The following DPP6 variants were observed in gnomAD, a reference collection of about 807,000 sequenced individuals.
The protein encoded by DPP6 is dipeptidyl peptidase like 6.
In DPP6, 69 loss-of-function variants were observed where a neutral mutation model predicts 122.6. That is an observed-to-expected ratio of 0.56 (90% CI 0.46 to 0.69). The LOEUF is 0.69. Among genes scored for constraint, DPP6 ranks in the 30% least tolerant of loss-of-function variants. The pLI, the probability that DPP6 is intolerant of heterozygous loss-of-function variation, is 0.00. For missense variants in DPP6, 928 were observed against 1,116.9 expected, an observed-to-expected ratio of 0.83 and a Z score of 2.41; for synonymous variants, 418 against 433.1, an observed-to-expected ratio of 0.97 and a Z score of 0.43.
At chr7:154,115,274 G>A (rs1806899461) in intron 1 of DPP6, among the ~76,000 whole-genome samples, 1 of 152,160 alleles carries the variant, frequency 6.6e-6, no homozygotes, top group Non-Finnish European at 1.5e-5. Context: ...AGGCCACTTA[G>A]GCACCACTCA....
intron 1 of DPP6, among the ~76,000 whole-genome samples, chr7:154,025,281 A>G (rs1798911600): frequency 7.2e-6 from 1 of 137,964 alleles, no homozygotes; most frequent in Admixed American, 7.7e-5. Context: ...GTGGGTTTGT[A>G]TGTTGAATTG....
chr7:154,195,020 T>G (rs1448006996), intron 1 of DPP6, among the ~76,000 whole-genome samples: 2 of 152,208 alleles, frequency 1.3e-5, no homozygotes, highest in Non-Finnish European at 2.9e-5. Flanking sequence ...GTTGGTTCTC[T>G]TATAGATTAT....
In DPP6 at chr7:154,231,308, C is replaced by T. The variant is rs140490023; in HGVS notation, c.243+178245C>T. Among the ~76,000 whole-genome samples, 213 of 152,244 alleles carry T rather than the reference C, an allele frequency of 1.4e-3. 2 individuals carry two copies. Among genetic ancestry groups the T allele is most frequent in the African/African-American group, 5.0e-3 (208 of 41,550 alleles). ...TGGCATGAGAGGAGGCTGAGAAATA[C>T]TGGGCTATTGTGAATGGGAAATGAG... is the stretch of plus-strand genomic sequence containing the variant. On this transcript the variant is annotated intron_variant, in intron 1 of 25. Transcript: ENST00000377770.
At position 154,769,468 on chromosome 7, in the gene DPP6, G is replaced by A. The variant is rs1373826049; in HGVS notation, c.935G>A (p.Arg312Lys). 1.2e-6 allele frequency: 2 copies of A among 1,613,574 alleles called. No individual in the cohort carries two copies. Among genetic ancestry groups the A allele is most frequent in the Non-Finnish European group, 1.7e-6 (2 of 1,179,842 alleles). Residue 312 changes from arginine to lysine, a missense_variant, in exon 9 of 26, where the codon AGA becomes AAA. Physicochemically the swap from Arg to Lys is conservative, Grantham distance 26 (BLOSUM62 2). Coordinates refer to ENST00000377770, the MANE Select transcript of DPP6 (RefSeq NM_130797.4). ...CACTGGTGGTCTCCGGATGGCACGA[G>A]ACTCGCCTACGCCGCCATCAATGAT... ...IAHWWSPDGTRLAYAAINDSR... is the reference protein window; with the variant it reads ...IAHWWSPDGTKLAYAAINDSR...
intron 5 of DPP6, among the ~76,000 whole-genome samples, chr7:154,633,360 C>T (rs146611912): frequency 5.3e-5 from 8 of 152,274 alleles, no homozygotes; most frequent in African/African-American, 1.4e-4. Context: ...CCTCAGCCTC[C>T]GGAGTAGCTG....
chr7:154,270,533 G>A (rs755077517), intron 1 of DPP6, among the ~76,000 whole-genome samples: 13 of 152,148 alleles, frequency 8.5e-5, no homozygotes, highest in Admixed American at 3.3e-4. Context: ...GTGTCCAGGT[G>A]CCATGTCCCC....
At chr7:154,089,148 C>A (rs1804634956) in intron 1 of DPP6, among the ~76,000 whole-genome samples, 1 of 152,222 alleles carries the variant, frequency 6.6e-6, no homozygotes. Context: ...GAGTGACTCA[C>A]AACAGCATAA....
At chr7:154,564,027 C>T (rs902239371) in intron 4 of DPP6, among the ~76,000 whole-genome samples, 2 of 152,064 alleles carry the variant, frequency 1.3e-5, no homozygotes, top group African/African-American at 2.4e-5. Context: ...CACAAAATAG[C>T]ATGAAAAGAA....
chr7:154,736,875 A>T (rs193256993), intron 8 of DPP6, among the ~76,000 whole-genome samples: 1 of 152,244 alleles, frequency 6.6e-6, no homozygotes, highest in Non-Finnish European at 1.5e-5. Flanking sequence ...TTGTTTCTCC[A>T]TGATCACTCT....
the DPP6 span, among the ~76,000 whole-genome samples, chr7:153,754,376 T>G: frequency 6.6e-6 from 1 of 152,190 alleles, no homozygotes; most frequent in African/African-American, 2.4e-5. Context: ...AAGATGGCAT[T>G]CCACTGAGTT....
At chr7:154,872,549 G>A in intron 18 of DPP6, 75 bp from the exon 19 acceptor site, 1 of 1,530,546 alleles carries the variant, frequency 6.5e-7, no homozygotes, top group Non-Finnish European at 8.8e-7. Flanking sequence ...CACCCCCACG[G>A]TCACCCAAGG....
chr7:154,012,348 T>G lies in DPP6; in HGVS notation c.51+124614T>G, dbSNP rs563028766. ...ATATAATAGAACCAGATGGAAATTC[T>G]AGAAAATTCTGAAAAGTACAATATC... On this transcript the variant is annotated intron_variant, in intron 1 of 25. Coordinates refer to the DPP6 transcript ENST00000404039. Among the ~76,000 whole-genome samples the G allele has an allele frequency of 3.5e-3, 529 of 152,350 alleles. 1 individual carries two copies. Among genetic ancestry groups the G allele is most frequent in the Non-Finnish European group, 6.1e-3 (416 of 68,024 alleles).
chr7:154,073,283 G>A (rs1422298797), intron 1 of DPP6, among the ~76,000 whole-genome samples: 2 of 152,208 alleles, frequency 1.3e-5, no homozygotes, highest in African/African-American at 2.4e-5. Flanking sequence ...TCCTCTGTCT[G>A]CCTTTGTCTC....
intron 16 of DPP6, among the ~76,000 whole-genome samples, chr7:154,818,543 A>C (rs1002095549): frequency 2.0e-5 from 3 of 152,246 alleles, no homozygotes; most frequent in African/African-American, 7.2e-5. Context: ...TTGCGTCTTC[A>C]TTGATAAAAC....
chr7:154,100,008 A>C (rs1805619342), intron 1 of DPP6, among the ~76,000 whole-genome samples: 1 of 124,310 alleles, frequency 8.0e-6, no homozygotes, highest in South Asian at 3.1e-4. Context: ...CAGCCCCTGC[A>C]AGTATAGAGT....
chr7:154,253,073 C>T (rs924334798), intron 1 of DPP6, among the ~76,000 whole-genome samples: 8 of 152,184 alleles, frequency 5.3e-5, no homozygotes, highest in Non-Finnish European at 1.2e-4. Context: ...GCAGAGTAAA[C>T]GCATGTATAT....
rs528264176 is a variant in DPP6, at chr7:154,646,497, C to T, written c.680+8624C>T. On this transcript the variant is annotated intron_variant, in intron 6 of 25. Transcript: ENST00000377770. ...CTCAAATCCTTCTGACCCTTCAAGC[C>T]ACAGCGTCAAAACCTCCTTCTCTAA... Among the ~76,000 whole-genome samples the T allele has an allele frequency of 6.6e-5, 10 of 152,276 alleles. No homozygotes were observed. In the South Asian group the frequency reaches 2.1e-3, roughly 32 times the overall value.
intron 1 of DPP6, among the ~76,000 whole-genome samples, chr7:153,982,411 T>C (rs1052644941): frequency 6.6e-6 from 1 of 152,012 alleles, no homozygotes; most frequent in African/African-American, 2.4e-5. Context: ...TTTATGTTCT[T>C]CTCTAAACTG....
At chr7:153,821,181 A>T in the DPP6 span, among the ~76,000 whole-genome samples, 1 of 152,220 alleles carries the variant, frequency 6.6e-6, no homozygotes, top group Non-Finnish European at 1.5e-5. Flanking sequence ...ACAAGCTGAA[A>T]ATTAAATCCA....
Sources: gnomAD v4.1 joint callset for allele counts (sites outside exome capture counted in the v4.1 genomes callset) on GRCh38, gnomAD v4.1.1 for gene constraint, MANE v1.5 for transcripts, NCBI Gene and HGNC (gene_info 2026-07-23, HGNC 2026-07-21) for gene names.